PLBD1: variants seen among roughly 807,000 people sequenced by gnomAD.
PLBD1 encodes the protein lysosomal leucine aminopeptidase.
PLBD1 carries 60 observed loss-of-function variants against 63.0 expected under a neutral mutation model. The observed-to-expected ratio is 0.95, with a 90% confidence interval of 0.77 to 1.18. The LOEUF (loss-of-function observed/expected upper bound fraction) is 1.18, where lower values mean the gene tolerates loss of function less well. PLBD1 is among the 50% of genes most tolerant of loss of function. The pLI, the probability that PLBD1 is intolerant of heterozygous loss-of-function variation, is 0.00. For missense variants in PLBD1, 598 were observed against 677.9 expected (o/e 0.88, Z 1.31); for synonymous variants, 262 against 248.0 (o/e 1.06, Z -0.53).
At chr12:14,550,041 A>T (rs1358945011) in intron 2 of PLBD1, among the ~76,000 whole-genome samples, 1 of 152,118 alleles carries the variant, frequency 6.6e-6, no homozygotes, top group Non-Finnish European at 1.5e-5. Context: ...GTTCCATTAC[A>T]TTCTGCTCAG....
At chr12:14,515,650 C>T (rs1945331145) in intron 6 of PLBD1, among the ~76,000 whole-genome samples, 1 of 152,108 alleles carries the variant, frequency 6.6e-6, no homozygotes, top group South Asian at 2.1e-4. Flanking sequence ...ATGTTTACAA[C>T]ATATATTTAT....
At chr12:14,512,966 T>C (rs976609805) in intron 6 of PLBD1, among the ~76,000 whole-genome samples, 2 of 152,228 alleles carry the variant, frequency 1.3e-5, no homozygotes, top group Non-Finnish European at 2.9e-5. Flanking sequence ...ATAACATTTC[T>C]ATAGCTTATA....
chr12:14,511,493 T>C lies in PLBD1; in HGVS notation c.1045+18A>G. 2 of 1,614,200 alleles carry C rather than the reference T, an allele frequency of 1.2e-6. No individual in the cohort carries two copies. Among genetic ancestry groups the C allele is most frequent in the Non-Finnish European group, 1.7e-6 (2 of 1,179,998 alleles). On this transcript the variant is annotated intron_variant, in intron 7 of 10. Coordinates refer to ENST00000240617, the MANE Select transcript of PLBD1 (RefSeq NM_024829.6). Reference sequence around the variant, plus strand: ...AATATATGTCTGTGCCTAACAGTTATTCTGCAGGGTCACTTACCAGAGTTG... The same window carrying C: ...AATATATGTCTGTGCCTAACAGTTACTCTGCAGGGTCACTTACCAGAGTTG...
At chr12:14,506,691 C>A (rs1330635320) in intron 9 of PLBD1, among the ~76,000 whole-genome samples, 2 of 150,380 alleles carry the variant, frequency 1.3e-5, no homozygotes, top group Non-Finnish European at 3.0e-5. Flanking sequence ...TGAGTTATTT[C>A]TTCTGTGTTT....
chr12:14,534,543 CTT>C (rs1286445435), intron 6 of PLBD1, among the ~76,000 whole-genome samples: 5 of 137,812 alleles, frequency 3.6e-5, no homozygotes, highest in Non-Finnish European at 6.2e-5. Context: ...CTTTTCTTTT[CTT>C]TTTTTTTTTT....
chr12:14,563,542 C>T (rs57374164), intron 1 of PLBD1, among the ~76,000 whole-genome samples: 38,045 of 151,706 alleles, frequency 0.25, 5,426 homozygotes, highest in Admixed American at 0.33. Context: ...AAAAAAATTA[C>T]TTCAAAGCAC....
At chr12:14,547,180 TTGTGTGTGTGTGTGTGTGTGTGTGTGTG>T (rs56182227) in intron 2 of PLBD1, among the ~76,000 whole-genome samples, 1 of 138,142 alleles carries the variant, frequency 7.2e-6, no homozygotes, top group Non-Finnish European at 1.5e-5. Context: ...GCACCTGGCT[TTGTGTGTGTGTGTGTGTGTGTGTGTGTG>T]TGTGTGTGTG....
In PLBD1 at chr12:14,507,138, A is replaced by ACT. The variant is rs1945262996; in HGVS notation, c.1187-21_1187-20insAG. The ACT allele has an allele frequency of 1.3e-6, 2 of 1,559,228 alleles. No homozygotes were observed. The highest frequency in any genetic ancestry group is 2.7e-5 in the African/African-American group (2 of 73,790). ...AATATCCTGATTTGGAATGGAAGGG[A>ACT]AGTAAGGGAGGGATTGACAGGGAAG... On this transcript the variant is annotated intron_variant, in intron 8 of 10. Transcript: ENST00000240617.
At chr12:14,540,064 A>ACG (rs1945557683) in intron 4 of PLBD1, among the ~76,000 whole-genome samples, 2 of 126,640 alleles carry the variant, frequency 1.6e-5, no homozygotes, top group Non-Finnish European at 3.3e-5. Context: ...ACACACACAC[A>ACG]CTGGTCAAAA....
chr12:14,520,486 C>A (rs1945366403), intron 6 of PLBD1, among the ~76,000 whole-genome samples: 1 of 146,952 alleles, frequency 6.8e-6, no homozygotes, highest in South Asian at 2.1e-4. Context: ...AAAAGTAAAA[C>A]AAGTGACTTC....
chr12:14,566,793 T>TA (rs1945788003), intron 1 of PLBD1, among the ~76,000 whole-genome samples: 1 of 24,122 alleles, frequency 4.1e-5, no homozygotes, highest in African/African-American at 1.5e-4. Context: ...GGATTATATA[T>TA]TAAAAAAAAA....
At chr12:14,551,778 G>A (rs1025939001) in intron 2 of PLBD1, among the ~76,000 whole-genome samples, 1 of 152,052 alleles carries the variant, frequency 6.6e-6, no homozygotes, top group Non-Finnish European at 1.5e-5. Flanking sequence ...ACACAACTTT[G>A]GTTCAAATTG....
chr12:14,548,480 A>AAG (rs1462691652), intron 2 of PLBD1, among the ~76,000 whole-genome samples: 5 of 102,592 alleles, frequency 4.9e-5, no homozygotes, highest in Admixed American at 2.0e-4. Flanking sequence ...AAAAAAAAAA[A>AAG]AAGAAGAAGA....
chr12:14,540,844 T>G lies in PLBD1; in HGVS notation c.478A>C (p.Arg160=), dbSNP rs1039962590. ...TGTGCCATCACATAGCCTGTATGTC[T>G]CCAAAATGAATCAGTCTTGTATTCT... ...IKEYKTDSFW[R]HTGYVMAQID... The change falls in exon 4 of 11, where the codon AGA becomes CGA. Residue 160 remains arginine (R), a synonymous_variant. Transcript: ENST00000240617. 1 of 1,611,454 alleles carries G rather than the reference T, an allele frequency of 6.2e-7. No individual in the cohort carries two copies. Among genetic ancestry groups the G allele is most frequent in the African/African-American group, 1.3e-5 (1 of 74,892 alleles).
intron 8 of PLBD1, among the ~76,000 whole-genome samples, chr12:14,508,134 TAAAG>T (rs1350301756): frequency 4.6e-5 from 7 of 152,206 alleles, no homozygotes; most frequent in Non-Finnish European, 1.0e-4. Context: ...ACATTGAAAT[TAAAG>T]AAGAAAAACA....
intron 8 of PLBD1, 90 bp from the exon 9 acceptor site, chr12:14,507,208 ATTTAT>A (rs1485384948): frequency 9.7e-7 from 1 of 1,032,920 alleles, no homozygotes; most frequent in Non-Finnish European, 1.4e-6. Context: ...ATCCATGTTC[ATTTAT>A]TTTGAAAATG....
chr12:14,548,254 C>G (rs555178609), intron 2 of PLBD1, among the ~76,000 whole-genome samples: 4 of 151,592 alleles, frequency 2.6e-5, no homozygotes, highest in Non-Finnish European at 5.9e-5. Flanking sequence ...GTCAGGAGTT[C>G]GAGACCAGCC....
chr12:14,536,532 T>C (rs776891321), intron 5 of PLBD1, 38 bp downstream of exon 5: 10 of 1,606,176 alleles, frequency 6.2e-6, no homozygotes, highest in South Asian at 1.1e-5. Context: ...AAAGTCTGTA[T>C]GAACCAGAAC....
At chr12:14,556,769 G>C (rs1167735107) in intron 1 of PLBD1, among the ~76,000 whole-genome samples, 1 of 149,226 alleles carries the variant, frequency 6.7e-6, no homozygotes, top group Admixed American at 6.8e-5. Flanking sequence ...AGGATCACCT[G>C]AGGTCAGGAG....
Sources: gnomAD v4.1 joint callset for allele counts (sites outside exome capture counted in the v4.1 genomes callset) on GRCh38, gnomAD v4.1.1 for gene constraint, MANE v1.5 for transcripts, NCBI Gene and HGNC (gene_info 2026-07-23, HGNC 2026-07-21) for gene names.